Variants in CDK19 observed in about 807,000 individuals in gnomAD.
CDK19 encodes the protein cyclin dependent kinase 19, also known as cyclin-dependent kinase 19.
Under a neutral mutation model 68.3 loss-of-function variants are expected in CDK19, and 20 were observed. That is an observed-to-expected ratio of 0.29 (90% confidence interval 0.21 to 0.43). CDK19 has a LOEUF of 0.43. Ranked by LOEUF, CDK19 falls within the 20% of genes least tolerant of loss-of-function variation. The pLI is 1.00. For synonymous variants in CDK19, 221 were observed against 222.8 expected, an observed-to-expected ratio of 0.99 and a Z score of 0.07; for missense variants, 339 against 623.5, an observed-to-expected ratio of 0.54 and a Z score of 4.86.
intron 1 of CDK19, among the ~76,000 whole-genome samples, chr6:110,778,207 C>T (rs2115020386): frequency 6.6e-6 from 1 of 151,792 alleles, no homozygotes; most frequent in East Asian, 1.9e-4. Flanking sequence ...AAAGGAATTG[C>T]AAAAAAGAAA....
intron 5 of CDK19, among the ~76,000 whole-genome samples, chr6:110,635,283 C>G (rs755763908): frequency 9.2e-5 from 14 of 152,054 alleles, no homozygotes; most frequent in Admixed American, 2.0e-4. Context: ...TGCTAAGTCC[C>G]CTGGGGGAAG....
intron 2 of CDK19, among the ~76,000 whole-genome samples, chr6:110,688,927 A>G (rs1431747385): frequency 6.6e-6 from 1 of 152,188 alleles, no homozygotes; most frequent in Non-Finnish European, 1.5e-5. Context: ...TGCTGCAGCC[A>G]TGAGTGCAGG....
At chr6:110,672,252 T>A (rs537356609) in intron 2 of CDK19, among the ~76,000 whole-genome samples, 9 of 152,178 alleles carry the variant, frequency 5.9e-5, no homozygotes, top group Non-Finnish European at 1.2e-4. Flanking sequence ...ATATGTTCTC[T>A]TTGCAGCCTG....
chr6:110,809,010 T>C (rs1012661173), intron 1 of CDK19, among the ~76,000 whole-genome samples: 13 of 146,548 alleles, frequency 8.9e-5, no homozygotes, highest in African/African-American at 3.3e-4. Context: ...ATTTAGACCA[T>C]CCTGGCTAAC....
At chr6:110,649,183 C>G (rs1780814987) in intron 4 of CDK19, among the ~76,000 whole-genome samples, 1 of 151,722 alleles carries the variant, frequency 6.6e-6, no homozygotes, top group Non-Finnish European at 1.5e-5. Context: ...TCCTATGGAA[C>G]AAATTGATCA....
rs972866748 is a variant in CDK19, at chr6:110,699,910, C to T, written c.205-29369G>A. 2.6e-5 allele frequency among the ~76,000 whole-genome samples: 4 copies of T among 152,270 alleles called. No homozygotes were observed. In the East Asian group the frequency reaches 7.7e-4, roughly 29 times the overall value. On this transcript the variant is annotated intron_variant, in intron 2 of 12. Coordinates refer to ENST00000368911, the MANE Select transcript of CDK19 (RefSeq NM_015076.5). ...CAGCAGGGGTCCCTAACCCCTGGGC[C>T]ATGGACCCATACTGGCTCATGGCCT... is the stretch of plus-strand genomic sequence containing the variant.
At chr6:110,709,788 C>T (rs1308492122) in intron 2 of CDK19, among the ~76,000 whole-genome samples, 1 of 152,138 alleles carries the variant, frequency 6.6e-6, no homozygotes, top group Non-Finnish European at 1.5e-5. Flanking sequence ...AGAAACCCTA[C>T]TTTAAGAAGC....
intron 2 of CDK19, among the ~76,000 whole-genome samples, chr6:110,744,011 G>GTTTTT (rs5879078): frequency 3.8e-4 from 43 of 113,336 alleles, no homozygotes; most frequent in African/African-American, 8.6e-4. Flanking sequence ...ACCTCCCCAC[G>GTTTTT]TTTTTTTTTT....
intron 4 of CDK19, among the ~76,000 whole-genome samples, chr6:110,659,103 C>T (rs888008954): frequency 1.3e-5 from 2 of 152,098 alleles, no homozygotes; most frequent in African/African-American, 2.4e-5. Context: ...CTCTAGAGAA[C>T]GATATTAAAT....
chr6:110,761,259 AT>A (rs1195978436), intron 1 of CDK19, among the ~76,000 whole-genome samples: 1 of 152,116 alleles, frequency 6.6e-6, no homozygotes, highest in Non-Finnish European at 1.5e-5. Flanking sequence ...ACAATCTGTG[AT>A]TTTTGTAGTC....
chr6:110,726,538 C>G (rs1414858113), intron 2 of CDK19, among the ~76,000 whole-genome samples: 1 of 152,092 alleles, frequency 6.6e-6, no homozygotes, highest in East Asian at 1.9e-4. Context: ...TTATAGATAC[C>G]TAAGTGAATA....
chr6:110,765,509 G>A (rs548114852), intron 1 of CDK19, among the ~76,000 whole-genome samples: 18 of 151,952 alleles, frequency 1.2e-4, no homozygotes, highest in African/African-American at 4.3e-4. Context: ...GTGAAACCCC[G>A]TCTCTATTAA....
chr6:110,624,320 G>A (rs1778949520), intron 8 of CDK19, among the ~76,000 whole-genome samples: 1 of 151,806 alleles, frequency 6.6e-6, no homozygotes, highest in South Asian at 2.1e-4. Context: ...GGTGAGCAAA[G>A]GGGTATTCAT....
At chr6:110,790,183 T>C (rs140153712) in intron 1 of CDK19, among the ~76,000 whole-genome samples, 181 of 152,364 alleles carry the variant, frequency 1.2e-3, no homozygotes, top group Admixed American at 2.8e-3. Flanking sequence ...AACGCTTATG[T>C]TGTATTTATA....
chr6:110,657,974 C>T (rs1240183812), intron 4 of CDK19, among the ~76,000 whole-genome samples: 1 of 152,032 alleles, frequency 6.6e-6, no homozygotes, highest in African/African-American at 2.4e-5. Flanking sequence ...AACTACAGGG[C>T]TATGAACTCA....
Position 110,746,199 on chromosome 6 carries a change from T to G in CDK19, c.131A>C (p.Lys44Thr). ...CTTCAATGCATATTCCTTTTCATCT[T>G]TTCTGCACATAAACAAAAAAACATC... The part of the protein sequence containing the change: ...HVYKARRKDG[K>T]DEKEYALKQI... Residue 44 changes from lysine (K) to threonine (T), a missense_variant and splice_region_variant, in exon 2 of 13, where the codon AAA becomes ACA. This residue lies in a region of CDK19 where 120 missense variants were observed against 224.0 expected (regional missense o/e 0.54). Transcript: ENST00000368911. The G allele has an allele frequency of 6.3e-7, 1 of 1,585,704 alleles. No homozygotes were observed. The highest frequency in any genetic ancestry group is 1.1e-5 in the South Asian group (1 of 87,706).
chr6:110,687,853 G>A (rs1772619784), intron 2 of CDK19, among the ~76,000 whole-genome samples: 1 of 152,130 alleles, frequency 6.6e-6, no homozygotes, highest in South Asian at 2.1e-4. Context: ...TTTGTGTTTT[G>A]CAGTGCACCT....
At chr6:110,762,441 G>A (rs1325489346) in intron 1 of CDK19, among the ~76,000 whole-genome samples, 1 of 152,134 alleles carries the variant, frequency 6.6e-6, no homozygotes, top group African/African-American at 2.4e-5. Context: ...ACTTTGTATG[G>A]TAACTTTTCC....
At chr6:110,645,309 A>G (rs1020127952) in intron 4 of CDK19, among the ~76,000 whole-genome samples, 2 of 152,248 alleles carry the variant, frequency 1.3e-5, no homozygotes, top group African/African-American at 2.4e-5. Context: ...AAATATTTCT[A>G]AATTACTCAG....
Sources: gnomAD v4.1 joint callset for allele counts (sites outside exome capture counted in the v4.1 genomes callset) on GRCh38, gnomAD v4.1.1 for gene constraint, gnomAD v4.1.1 regional missense constraint, MANE v1.5 for transcripts, NCBI Gene and HGNC (gene_info 2026-07-23, HGNC 2026-07-21) for gene names.